The following ATP13A4 variants were observed in gnomAD, a reference collection of about 807,000 sequenced individuals.
ATP13A4 encodes the protein ATPase 13A4.
ATP13A4 carries 114 observed loss-of-function variants against 142.5 expected under a neutral mutation model. The observed-to-expected ratio is 0.80, with a 90% CI of 0.69 to 0.93. The LOEUF (loss-of-function observed/expected upper bound fraction) is 0.93. Ranked by LOEUF, ATP13A4 falls within the 40% of genes least tolerant of loss-of-function variation. The pLI, the probability that ATP13A4 is intolerant of heterozygous loss-of-function variation, is 0.00. For synonymous variants in ATP13A4, 488 were observed against 514.8 expected (o/e 0.95, Z 0.70); for missense variants, 1,392 against 1,454.0 (o/e 0.96, Z 0.69).
At chr3:193,588,217 A>G (rs1240150496) in intron 1 of ATP13A4, among the ~76,000 whole-genome samples, 1 of 152,224 alleles carries the variant, frequency 6.6e-6, no homozygotes, top group Non-Finnish European at 1.5e-5. Context: ...AGTTTCACAA[A>G]GGTTAATGTG....
At chr3:193,483,073 G>C (rs1420691567) in intron 8 of ATP13A4, among the ~76,000 whole-genome samples, 3 of 152,026 alleles carry the variant, frequency 2.0e-5, no homozygotes, top group Non-Finnish European at 4.4e-5. Context: ...ATCAATGATT[G>C]ATACACTTAA....
intron 8 of ATP13A4, among the ~76,000 whole-genome samples, chr3:193,475,793 T>G (rs1453036441): frequency 6.6e-6 from 1 of 152,052 alleles, no homozygotes; most frequent in Non-Finnish European, 1.5e-5. Flanking sequence ...ATGAACAATG[T>G]ATAATTTGAC....
chr3:193,543,586 C>T (rs1436785751), intron 1 of ATP13A4, among the ~76,000 whole-genome samples: 1 of 152,168 alleles, frequency 6.6e-6, no homozygotes, highest in Non-Finnish European at 1.5e-5. Flanking sequence ...ATCATTAACA[C>T]ACACTTTATC....
chr3:193,584,187 G>A (rs1577090708), intron 1 of ATP13A4, among the ~76,000 whole-genome samples: 1 of 152,144 alleles, frequency 6.6e-6, no homozygotes, highest in Non-Finnish European at 1.5e-5. Flanking sequence ...GATTATCCTC[G>A]ATTATCTAGG....
At chr3:193,437,013 A>G (rs1362412562) in intron 23 of ATP13A4, among the ~76,000 whole-genome samples, 2 of 141,574 alleles carry the variant, frequency 1.4e-5, no homozygotes, top group Non-Finnish European at 3.0e-5. Context: ...CTGAGGCAGG[A>G]GAATGGCGTG....
chr3:193,572,329 CTATTG>C (rs934588336), intron 2 of ATP13A4, among the ~76,000 whole-genome samples: 1 of 152,152 alleles, frequency 6.6e-6, no homozygotes, highest in Non-Finnish European at 1.5e-5. Context: ...AACTCTAAAA[CTATTG>C]TAATATAAAA....
chr3:193,549,121 C>T (rs886434402), intron 1 of ATP13A4, among the ~76,000 whole-genome samples: 2 of 152,154 alleles, frequency 1.3e-5, no homozygotes, highest in Non-Finnish European at 2.9e-5. Context: ...TCAAAAAAGA[C>T]TGCTAATCCG....
chr3:193,450,973 A>G (rs1717240810), intron 17 of ATP13A4, among the ~76,000 whole-genome samples: 1 of 152,188 alleles, frequency 6.6e-6, no homozygotes, highest in African/African-American at 2.4e-5. Context: ...ACTGGAGTAT[A>G]GGAAGGCAGA....
intron 18 of ATP13A4, among the ~76,000 whole-genome samples, chr3:193,446,262 G>A (rs1345496223): frequency 1.3e-5 from 2 of 152,174 alleles, no homozygotes; most frequent in Non-Finnish European, 2.9e-5. Context: ...AAGTAAAAAT[G>A]GAAAGACAGA....
chr3:193,425,068 C>T (rs1364042909), intron 25 of ATP13A4, among the ~76,000 whole-genome samples: 1 of 148,444 alleles, frequency 6.7e-6, no homozygotes, highest in Non-Finnish European at 1.5e-5. Context: ...CCAAAAAAAC[C>T]ATAGAAATAG....
At chr3:193,464,862 G>T in intron 12 of ATP13A4, 78 bp downstream of exon 12, 1 of 1,475,964 alleles carries the variant, frequency 6.8e-7, no homozygotes, top group Non-Finnish European at 9.4e-7. Flanking sequence ...CTCCTGCCTT[G>T]CAAGGGGGTA....
intron 1 of ATP13A4, among the ~76,000 whole-genome samples, chr3:193,522,823 C>A (rs1377104562): frequency 6.6e-6 from 1 of 152,084 alleles, no homozygotes; most frequent in African/African-American, 2.4e-5. Context: ...TCTTTTTGTC[C>A]GGTAATCTTG....
intron 9 of ATP13A4, among the ~76,000 whole-genome samples, chr3:193,468,285 T>A (rs997711741): frequency 1.3e-5 from 2 of 152,214 alleles, no homozygotes; most frequent in African/African-American, 4.8e-5. Context: ...TATTTATGTA[T>A]AAGAGAGAGC....
intron 2 of ATP13A4, among the ~76,000 whole-genome samples, chr3:193,573,299 A>ATATATTTATATATATATATATATGTG (rs1724321932): frequency 1.3e-5 from 1 of 78,596 alleles, no homozygotes; most frequent in African/African-American, 6.5e-5. Context: ...ACACATATAT[A>ATATATTTATATATATATATATATGTG]TATATATACA....
chr3:193,481,609 G>A (rs1719297797), intron 8 of ATP13A4, among the ~76,000 whole-genome samples: 1 of 152,060 alleles, frequency 6.6e-6, no homozygotes, highest in African/African-American at 2.4e-5. Flanking sequence ...GTGAATTTTG[G>A]CTTACAGAAC....
chr3:193,564,012 G>A (rs1414672069), intron 2 of ATP13A4, among the ~76,000 whole-genome samples: 1 of 152,158 alleles, frequency 6.6e-6, no homozygotes, highest in East Asian at 1.9e-4. Context: ...ATAAAATGGA[G>A]AAAAACACAA....
chr3:193,493,299 T>C, intron 3 of ATP13A4, 139 bp from the exon 4 acceptor site: 1 of 759,360 alleles, frequency 1.3e-6, no homozygotes, highest in Non-Finnish European at 2.1e-6. Flanking sequence ...CCTTTTCTAA[T>C]TTACCCTTTG....
At chr3:193,567,948 C>CTTTCT (rs557033866) in intron 2 of ATP13A4, among the ~76,000 whole-genome samples, 154 of 151,902 alleles carry the variant, frequency 1.0e-3, no homozygotes, top group African/African-American at 3.3e-3. Context: ...CCACCACTTT[C>CTTTCT]TTTCTTTTCT....
intron 25 of ATP13A4, among the ~76,000 whole-genome samples, chr3:193,415,904 G>A (rs57461145): frequency 0.16 from 23,856 of 152,148 alleles, 2,612 homozygotes; most frequent in African/African-American, 0.31. Context: ...AAAGCTATGT[G>A]CATCCCAGGG....
Sources: gnomAD v4.1 joint callset for allele counts (sites outside exome capture counted in the v4.1 genomes callset) on GRCh38, gnomAD v4.1.1 for gene constraint, MANE v1.5 for transcripts, NCBI Gene and HGNC (gene_info 2026-07-23, HGNC 2026-07-21) for gene names.